Variants in STAC observed in about 807,000 individuals in gnomAD.
The protein encoded by STAC is SH3 and cysteine-rich domain-containing protein.
A neutral mutation model predicts 48.8 loss-of-function variants in STAC; 43 were observed. The ratio of observed to expected loss-of-function variants is 0.88; its 90% CI spans 0.69 to 1.14. The LOEUF (loss-of-function observed/expected upper bound fraction) is 1.14, where lower values mean the gene tolerates loss of function less well. Among genes scored for constraint, STAC ranks in the 50% most tolerant of loss-of-function variants. The pLI is 0.00. For missense variants in STAC, 497 were observed against 504.0 expected (o/e 0.99, Z 0.13); for synonymous variants, 193 against 179.5 (o/e 1.07, Z -0.60).
chr3:36,491,497 C>A (rs112373615), intron 5 of STAC, among the ~76,000 whole-genome samples: 3 of 152,152 alleles, frequency 2.0e-5, no homozygotes, highest in African/African-American at 7.2e-5. Flanking sequence ...AAATTGTGAG[C>A]TTCAAAGGGA....
chr3:36,540,056 G>A (rs953875109), intron 10 of STAC, among the ~76,000 whole-genome samples: 1 of 152,166 alleles, frequency 6.6e-6, no homozygotes. Flanking sequence ...GCCAGCGTCA[G>A]AGAAGGAGAT....
intron 1 of STAC, among the ~76,000 whole-genome samples, chr3:36,409,928 C>T (rs73059929): frequency 3.0e-4 from 45 of 152,234 alleles, no homozygotes; most frequent in Non-Finnish European, 5.9e-4. Flanking sequence ...AGCAGTAGGT[C>T]TCTACAAGAA....
chr3:36,422,056 G>T (rs73059995), intron 1 of STAC, among the ~76,000 whole-genome samples: 3,527 of 151,914 alleles, frequency 0.023, 60 homozygotes, highest in Non-Finnish European at 0.026. Flanking sequence ...TTATGATCCT[G>T]ACTTCATTTT....
At chr3:36,512,814 G>A (rs1300035463) in intron 8 of STAC, among the ~76,000 whole-genome samples, 1 of 151,696 alleles carries the variant, frequency 6.6e-6, no homozygotes, top group Non-Finnish European at 1.5e-5. Flanking sequence ...AGAGTTTGTA[G>A]GTTCCCATTA....
At chr3:36,386,222 G>A (rs917300036) in intron 1 of STAC, among the ~76,000 whole-genome samples, 5 of 151,940 alleles carry the variant, frequency 3.3e-5, no homozygotes, top group Admixed American at 6.6e-5. Flanking sequence ...TTTCCCCAAT[G>A]ACTAATAAGC....
At chr3:36,487,512 T>C (rs931473203) in intron 5 of STAC, among the ~76,000 whole-genome samples, 2 of 152,178 alleles carry the variant, frequency 1.3e-5, no homozygotes, top group African/African-American at 4.8e-5. Context: ...CAGACATGAA[T>C]GAAGGGCCTA....
intron 10 of STAC, among the ~76,000 whole-genome samples, chr3:36,530,235 A>G (rs147215896): frequency 4.5e-4 from 69 of 152,330 alleles, no homozygotes; most frequent in African/African-American, 1.6e-3. Context: ...TTCTTGGTAT[A>G]AGAATTTTAT....
At chr3:36,452,243 T>C (rs1165672391) in intron 2 of STAC, among the ~76,000 whole-genome samples, 1 of 152,228 alleles carries the variant, frequency 6.6e-6, no homozygotes, top group Non-Finnish European at 1.5e-5. Context: ...AAATTTCTTC[T>C]TTTGATTCCT....
chr3:36,457,578 T>C (rs1465336010), intron 2 of STAC, among the ~76,000 whole-genome samples: 1 of 152,226 alleles, frequency 6.6e-6, no homozygotes, highest in East Asian at 1.9e-4. Flanking sequence ...ATACAAATTC[T>C]TCAGCCTTGA....
At chr3:36,412,348 G>A (rs1359991275) in intron 1 of STAC, among the ~76,000 whole-genome samples, 1 of 152,108 alleles carries the variant, frequency 6.6e-6, no homozygotes, top group Non-Finnish European at 1.5e-5. Context: ...TACATTGGAT[G>A]TACATTTCAT....
At chr3:36,535,232 C>T (rs1029683294) in intron 10 of STAC, among the ~76,000 whole-genome samples, 3 of 152,116 alleles carry the variant, frequency 2.0e-5, no homozygotes, top group African/African-American at 7.2e-5. Flanking sequence ...CTCTTTGTAG[C>T]GATTGTGAAT....
At chr3:36,429,237 C>G (rs774751476) in intron 1 of STAC, among the ~76,000 whole-genome samples, 1 of 152,174 alleles carries the variant, frequency 6.6e-6, no homozygotes, top group Non-Finnish European at 1.5e-5. Flanking sequence ...TGGAGGACTG[C>G]TTCCTAGAGG....
At chr3:36,518,471 G>T (rs749172287) in intron 8 of STAC, among the ~76,000 whole-genome samples, 2 of 152,098 alleles carry the variant, frequency 1.3e-5, no homozygotes, top group African/African-American at 2.4e-5. Context: ...AGAGGGAACT[G>T]CTCTTTCAGT....
intron 1 of STAC, among the ~76,000 whole-genome samples, chr3:36,417,833 C>T (rs886861601): frequency 2.0e-5 from 3 of 152,164 alleles, no homozygotes; most frequent in Non-Finnish European, 4.4e-5. Context: ...CCAGCCATTC[C>T]TTTGCAGATA....
chr3:36,381,430 T>C (rs867380396), intron 1 of STAC, among the ~76,000 whole-genome samples: 8 of 152,326 alleles, frequency 5.3e-5, no homozygotes, highest in Admixed American at 5.2e-4. Context: ...AGGCACATGT[T>C]TGAAAATCTT....
chr3:36,480,169 C>T (rs539556499), intron 2 of STAC, among the ~76,000 whole-genome samples: 1 of 152,174 alleles, frequency 6.6e-6, no homozygotes, highest in Non-Finnish European at 1.5e-5. Flanking sequence ...TAAATTCCCA[C>T]ATAGAGCACA....
intron 1 of STAC, among the ~76,000 whole-genome samples, chr3:36,406,977 T>G (rs1700098540): frequency 2.0e-5 from 3 of 152,224 alleles, no homozygotes; most frequent in Non-Finnish European, 4.4e-5. Context: ...TCAAAAGGTA[T>G]GATCTTGGGC....
intron 6 of STAC, among the ~76,000 whole-genome samples, chr3:36,495,387 A>G (rs1575239795): frequency 6.6e-6 from 1 of 152,188 alleles, no homozygotes; most frequent in South Asian, 2.1e-4. Flanking sequence ...TGATCCCCTC[A>G]CCCAGCCACA....
Position 36,380,524 on chromosome 3 carries a change from G to A in STAC, c.-120G>A, listed in dbSNP as rs911961639. On this transcript the variant is annotated 5_prime_UTR_variant, in exon 1 of 11. Coordinates refer to ENST00000273183, the MANE Select transcript of STAC (RefSeq NM_003149.3). Reference sequence around the variant, plus strand: ...CTGGAGGAGGGCACGTCGGCGCCTCGGCGAGGATGGGAGTCCCCAGGACCC... The same window carrying A: ...CTGGAGGAGGGCACGTCGGCGCCTCAGCGAGGATGGGAGTCCCCAGGACCC... 11 of 732,816 alleles carry A rather than the reference G, an allele frequency of 1.5e-5. No homozygotes were observed. In the Admixed American group the frequency reaches 1.8e-4, roughly 12 times the overall value. The allele number at this position is 732,816 out of a possible 1,614,324, so 45.4% of individuals were successfully genotyped here. A position where few individuals can be genotyped will look rare whatever the true frequency, so the allele number is the denominator to read the frequency against.
Sources: allele counts gnomAD v4.1 joint callset (sites outside exome capture counted in the v4.1 genomes callset), GRCh38; gene constraint gnomAD v4.1.1; transcripts MANE v1.5; gene names NCBI Gene and HGNC (gene_info 2026-07-23, HGNC 2026-07-21).